Variants in ADCY1 observed in about 807,000 individuals in gnomAD.
ADCY1 encodes adenylate cyclase type 1.
Under a neutral mutation model 105.4 loss-of-function variants are expected in ADCY1, and 28 were observed. The ratio of observed to expected loss-of-function variants is 0.27; its 90% CI spans 0.20 to 0.36. ADCY1 has a LOEUF of 0.36. Ranked by LOEUF, ADCY1 falls within the 10% of genes least tolerant of loss-of-function variation. ADCY1 has a pLI of 1.00. For missense variants in ADCY1, 977 were observed against 1,434.2 expected (o/e 0.68, Z 5.15); for synonymous variants, 655 against 623.8 (o/e 1.05, Z -0.75).
chr7:45,575,111 G>A lies in ADCY1; in HGVS notation c.568G>A (p.Val190Met). 6.2e-7 allele frequency: 1 copy of A among 1,612,440 alleles called. No individual in the cohort carries two copies. Among genetic ancestry groups the A allele is most frequent in the Non-Finnish European group, 8.5e-7 (1 of 1,179,838 alleles). Residue 190 changes from valine (V) to methionine (M), a missense_variant, in exon 1 of 20, where the codon GTG becomes ATG. Physicochemically the swap from Val to Met is conservative, Grantham distance 21. Around this residue, in one of 7 missense-constraint regions of ADCY1, gnomAD observed 196 missense variants for 347.8 expected, o/e 0.56. Coordinates refer to ENST00000297323, the MANE Select transcript of ADCY1 (RefSeq NM_021116.4). This position sits in a 1 kb window ranked among gnomAD's most constrained non-coding sequence, Gnocchi z 4.7. ...RSLLAIGFGL[V>M]VAASHLLVTA... ...CCTGCTGGCCATAGGCTTTGGGCTC[G>A]TGGTGGCTGCGTCGCACTTGCTGGT...
chr7:45,607,400 A>T (rs1333839535), intron 2 of ADCY1, among the ~76,000 whole-genome samples: 2 of 152,228 alleles, frequency 1.3e-5, no homozygotes, highest in African/African-American at 4.8e-5. Flanking sequence ...TGTTCCCAAC[A>T]ACAGCAGGAG....
chr7:45,665,284 G>C (rs1416271067), intron 8 of ADCY1, among the ~76,000 whole-genome samples: 4 of 152,222 alleles, frequency 2.6e-5, no homozygotes, highest in Admixed American at 6.5e-5. Context: ...TTACTTCTCT[G>C]ATGGTTTTGT....
In ADCY1 at chr7:45,654,349, C is replaced by A. The variant is rs571062869; in HGVS notation, c.1149-3378C>A. On this transcript the variant is annotated intron_variant, in intron 5 of 19. Transcript: ENST00000297323. Reference sequence around the variant, plus strand: ...CCATTTTTGCTAAATAGACTCAATCCAGATGCCTTGCTGGCAGTGTGTATT... The same window carrying A: ...CCATTTTTGCTAAATAGACTCAATCAAGATGCCTTGCTGGCAGTGTGTATT... Among the ~76,000 whole-genome samples the A allele has an allele frequency of 2.6e-5, 4 of 152,326 alleles. No homozygotes were observed. In the South Asian group the frequency reaches 8.3e-4, roughly 32 times the overall value.
chr7:45,677,672 T>G (rs1406294809), intron 8 of ADCY1, among the ~76,000 whole-genome samples, 197 bp from the exon 9 acceptor site: 1 of 152,134 alleles, frequency 6.6e-6, no homozygotes, highest in Non-Finnish European at 1.5e-5. Context: ...ATTACAGGTG[T>G]GGGAACCCCA....
At chr7:45,707,440 T>C (rs1785142298) in intron 17 of ADCY1, among the ~76,000 whole-genome samples, 1 of 152,190 alleles carries the variant, frequency 6.6e-6, no homozygotes, top group African/African-American at 2.4e-5. Context: ...GGTTACATAC[T>C]GTATGATTCC....
intron 7 of ADCY1, 47 bp from the exon 8 acceptor site, chr7:45,662,012 G>A (rs1316566482): frequency 3.2e-6 from 5 of 1,586,206 alleles, no homozygotes; most frequent in Non-Finnish European, 4.3e-6. Flanking sequence ...GAGGCACAAT[G>A]TGTCTCATTC....
In ADCY1 at chr7:45,661,477, C is replaced by T. The variant is rs1458169381; in HGVS notation, c.1450-582C>T. 3.3e-5 allele frequency among the ~76,000 whole-genome samples: 5 copies of T among 152,186 alleles called. 1 individual carries two copies. The South Asian group carries it at 8.3e-4, about 25-fold the overall frequency. On this transcript the variant is annotated intron_variant, in intron 7 of 19. Transcript: ENST00000297323. ...CAGAAGACAGGCCGGCCAGCAGGAA[C>T]GATGACAGTGGAGCATTCATGGGGT...
chr7:45,666,026 C>T (rs1032691790), intron 8 of ADCY1, among the ~76,000 whole-genome samples: 4 of 152,290 alleles, frequency 2.6e-5, no homozygotes, highest in African/African-American at 4.8e-5. Context: ...TGTGCTCGCT[C>T]GCACCACTGA....
In ADCY1 at chr7:45,647,897, A is replaced by G. The variant is rs947168088; in HGVS notation, c.1021-773A>G. Among the ~76,000 whole-genome samples, 4 of 152,216 alleles carry G rather than the reference A, an allele frequency of 2.6e-5. No homozygotes were observed. The highest frequency in any genetic ancestry group is 5.9e-5 in the Non-Finnish European group (4 of 68,040). On this transcript the variant is annotated intron_variant, in intron 4 of 19. Transcript: ENST00000297323. This position sits in a 1 kb window ranked among gnomAD's most constrained non-coding sequence, Gnocchi z 4.6. ...TTTAGTTTTTAGTGAGTCCTTAGTG[A>G]TTTCAAGACATAAAGGGGTCCTGAA...
Position 45,703,320 on chromosome 7 carries a change from G to A in ADCY1, c.2455-56G>A. On this transcript the variant is annotated intron_variant, in intron 14 of 19. Transcript: ENST00000297323. This position sits in a 1 kb window ranked among gnomAD's most constrained non-coding sequence, Gnocchi z 5.9. ...ATGATTAGAAGGAAGTGTGCGGTGG[G>A]AACAAGTGAAGGCAGCGTGAGTGGA... 1 of 1,541,352 alleles carries A rather than the reference G, an allele frequency of 6.5e-7. No homozygotes were observed. Among genetic ancestry groups the A allele is most frequent in the Middle Eastern group, 1.9e-4 (1 of 5,130 alleles).
intron 4 of ADCY1, among the ~76,000 whole-genome samples, chr7:45,634,207 G>A (rs1030008172): frequency 9.9e-5 from 15 of 152,100 alleles, no homozygotes; most frequent in Admixed American, 7.9e-4. Flanking sequence ...TGCCTTTCCC[G>A]CTTGGGTGCC....
Position 45,662,082 on chromosome 7 carries a change from A to T in ADCY1, c.1473A>T (p.Ser491=). 1 of 1,614,068 alleles carries T rather than the reference A, an allele frequency of 6.2e-7. No individual in the cohort carries two copies. The highest frequency in any genetic ancestry group is 8.5e-7 in the Non-Finnish European group (1 of 1,179,956). ...AGATATTTCCAGGCCTGATTCTCTC[A>T]GATATAAAACCGGCCAAAAGGATGA... ...RRKIFPGLIL[S]DIKPAKRMKF... The change falls in exon 8 of 20, where the codon TCA becomes TCT. Residue 491 remains serine (S), a synonymous_variant. Coordinates refer to ENST00000297323, the MANE Select transcript of ADCY1 (RefSeq NM_021116.4).
intron 4 of ADCY1, among the ~76,000 whole-genome samples, chr7:45,640,953 C>G (rs754114679): frequency 1.5e-4 from 23 of 152,206 alleles, no homozygotes; most frequent in Admixed American, 5.2e-4. Context: ...GGTCCCTGCT[C>G]TATCTCACAG....
intron 4 of ADCY1, among the ~76,000 whole-genome samples, chr7:45,623,226 C>T (rs923430434): frequency 1.2e-4 from 18 of 152,256 alleles, no homozygotes; most frequent in Admixed American, 2.6e-4. Context: ...AGTGGCCACC[C>T]TTGCCCTCAG....
At chr7:45,683,210 A>C (rs1039408240) in intron 11 of ADCY1, among the ~76,000 whole-genome samples, 1 of 151,986 alleles carries the variant, frequency 6.6e-6, no homozygotes, top group Admixed American at 6.5e-5. Flanking sequence ...TTTTTCACCC[A>C]CTTGGAGAGG....
At chr7:45,664,155 G>A (rs1193085292) in intron 8 of ADCY1, 2 of 754,962 alleles carry the variant, frequency 2.6e-6, no homozygotes, top group Non-Finnish European at 4.4e-6. Context: ...TATTGAGGGT[G>A]GGGCGTTCCT....
chr7:45,633,865 C>A (rs1794329108), intron 4 of ADCY1, among the ~76,000 whole-genome samples: 1 of 148,430 alleles, frequency 6.7e-6, no homozygotes, highest in South Asian at 2.2e-4. Flanking sequence ...ATAGCAAAAA[C>A]CACAATTACT....
At chr7:45,704,641 C>T (rs2116262654) in intron 17 of ADCY1, 25 bp downstream of exon 17, 6 of 1,597,862 alleles carry the variant, frequency 3.8e-6, no homozygotes, top group South Asian at 1.1e-5. Flanking sequence ...GCGCTGCCTG[C>T]TTGGGGACTG....
At chr7:45,599,632 G>GT (rs113156682) in intron 2 of ADCY1, among the ~76,000 whole-genome samples, 20,440 of 141,610 alleles carry the variant, frequency 0.14, 1,721 homozygotes, top group African/African-American at 0.25. Flanking sequence ...TGCCATATCT[G>GT]TTTTTTTTTT....
Sources: allele counts gnomAD v4.1 joint callset (sites outside exome capture counted in the v4.1 genomes callset), GRCh38; gene constraint gnomAD v4.1.1; regional missense constraint gnomAD v4.1.1; non-coding constraint Gnocchi (gnomAD v3.1); transcripts MANE v1.5; gene names NCBI Gene and HGNC (gene_info 2026-07-23, HGNC 2026-07-21).